Variants in YIPF6 observed in about 807,000 individuals in gnomAD.
YIPF6 encodes protein YIPF6.
A neutral mutation model predicts 16.8 loss-of-function variants in YIPF6; 3 were observed. The ratio of observed to expected loss-of-function variants is 0.18; its 90% CI spans 0.08 to 0.46. YIPF6 has a LOEUF of 0.46. Among genes scored for constraint, YIPF6 ranks in the 20% least tolerant of loss-of-function variants. The pLI is 0.98. For synonymous variants in YIPF6, 67 were observed against 61.9 expected, an observed-to-expected ratio of 1.08 and a Z score of -0.38; for missense variants, 145 against 184.9, an observed-to-expected ratio of 0.78 and a Z score of 1.25.
chrX:68,501,278 T>G lies in YIPF6; in HGVS notation c.57+2155T>G, dbSNP rs138067649. Among the ~76,000 whole-genome samples, 458 of 112,385 alleles carry G rather than the reference T, an allele frequency of 4.1e-3. 2 individuals are homozygous for G. The highest frequency in any genetic ancestry group is 0.014 in the African/African-American group (427 of 30,981). On this transcript the variant is annotated intron_variant, in intron 1 of 6. Transcript: ENST00000462683. ...AGAAATTTAAAGGAAAATGCTATCA[T>G]GTCCAGTTGGGGTGACCAAGCTACA...
At position 68,508,277 on chromosome X, in the gene YIPF6, A is replaced by T. The variant is rs367908511; in HGVS notation, c.58-3572A>T. On this transcript the variant is annotated intron_variant, in intron 1 of 6. Transcript: ENST00000462683. The stretch of plus-strand genomic sequence containing the variant: ...CACCACTCCTGGCTAATTTTTAAAT[A>T]TTTTTTTGTAGAGATGGGGTTTCGC... Among the ~76,000 whole-genome samples the T allele has an allele frequency of 2.2e-4, 24 of 107,008 alleles. No individual in the cohort carries two copies. The East Asian group carries it at 6.6e-3, about 29-fold the overall frequency. The allele number at this position is 107,008 out of a possible 115,157, so 92.9% of individuals were successfully genotyped here.
intron 6 of YIPF6, among the ~76,000 whole-genome samples, chrX:68,530,261 A>T (rs750911070): frequency 1.8e-5 from 2 of 110,898 alleles, no homozygotes; most frequent in East Asian, 5.7e-4. Context: ...CTTTCTTTAC[A>T]CTGTGAGGGG....
Position 68,535,975 on chromosome X carries a change from A to G in YIPF6, c.*3976A>G, listed in dbSNP as rs779066479. On this transcript the variant is annotated 3_prime_UTR_variant, in exon 7 of 7. Transcript: ENST00000462683. ...TGGCTAATTTTTGTAGTTTTTGTAG[A>G]GATAGGGTTTCGCCATGTTGCCTAG... 12 of 110,692 alleles carry G rather than the reference A, an allele frequency of 1.1e-4. No homozygotes were observed. Among genetic ancestry groups the G allele is most frequent in the African/African-American group, 3.9e-4 (12 of 30,435 alleles). The allele number at this position is 110,692 out of a possible 1,213,427, so 9.1% of individuals were successfully genotyped here.
At chrX:68,529,081 T>G (rs1351796923) in intron 6 of YIPF6, among the ~76,000 whole-genome samples, 1 of 111,333 alleles carries the variant, frequency 9.0e-6, no homozygotes, top group African/African-American at 3.3e-5. Flanking sequence ...TTTTCCAACT[T>G]GGTTCCATTC....
intron 1 of YIPF6, among the ~76,000 whole-genome samples, chrX:68,503,978 CA>C (rs1356329898): frequency 8.9e-6 from 1 of 112,281 alleles, no homozygotes; most frequent in Non-Finnish European, 1.9e-5. Flanking sequence ...CTTGGCCTCC[CA>C]AATTGCTGGG....
At chrX:68,527,013 C>G (rs182386049) in intron 6 of YIPF6, among the ~76,000 whole-genome samples, 9 of 112,102 alleles carry the variant, frequency 8.0e-5, no homozygotes, top group African/African-American at 2.9e-4. Context: ...AGGAATCCCT[C>G]TTCTTCTATT....
chrX:68,529,033 G>A (rs763412834), intron 6 of YIPF6, among the ~76,000 whole-genome samples: 196 of 111,206 alleles, frequency 1.8e-3, no homozygotes, highest in African/African-American at 6.2e-3. Context: ...TGCCTTCCTA[G>A]GTTGGGGAAG....
Position 68,499,206 on chromosome X carries a change from G to C in YIPF6, c.57+83G>C. 6.4e-6 allele frequency: 7 copies of C among 1,089,459 alleles called. No individual in the cohort carries two copies. In the South Asian group the frequency reaches 1.3e-4, roughly 20 times the overall value. The allele number at this position is 1,089,459 out of a possible 1,213,427, so 89.8% of individuals were successfully genotyped here. A position where few individuals can be genotyped will look rare whatever the true frequency, so the allele number is the denominator to read the frequency against. On this transcript the variant is annotated intron_variant, in intron 1 of 6. Coordinates refer to ENST00000462683, the MANE Select transcript of YIPF6 (RefSeq NM_173834.4). ...AAGTCGGGGGACGGGCTCGTGGCCTGAGAGCCGGAGCTCCTTCCGCCCGGC... is the reference window on the plus strand; with the variant it reads ...AAGTCGGGGGACGGGCTCGTGGCCTCAGAGCCGGAGCTCCTTCCGCCCGGC...
chrX:68,523,023 T>A, intron 6 of YIPF6, 106 bp downstream of exon 6: 2 of 955,056 alleles, frequency 2.1e-6, no homozygotes, highest in Non-Finnish European at 2.9e-6. Flanking sequence ...GTGAGTGATA[T>A]GATTCTTGAT....
intron 5 of YIPF6, among the ~76,000 whole-genome samples, chrX:68,522,195 T>C (rs770965314): frequency 6.3e-5 from 7 of 111,329 alleles, no homozygotes; most frequent in Non-Finnish European, 1.1e-4. Context: ...CAGAGAAAGA[T>C]ATCTGTAGGA....
Position 68,499,098 on chromosome X carries a change from CG to C in YIPF6, c.36del (p.Thr13GlnfsTer22). MAEAEESPGD[P>X]GTASPRPLFA... ...GAAGCGGAGGAGTCTCCAGGAGACC[CG>C]GGGACAGCATCGCCCAGGCCCCTGG... On this transcript the variant is annotated frameshift_variant, in exon 1 of 7. Transcript: ENST00000462683. LOFTEE classifies it high-confidence loss of function. 8.4e-7 allele frequency: 1 copy of C among 1,188,248 alleles called. No homozygotes were observed. Among genetic ancestry groups the C allele is most frequent in the Non-Finnish European group, 1.1e-6 (1 of 883,629 alleles).
rs769189355 is a variant in YIPF6 at position 68,521,343 on chromosome X, G to A, written c.309-29G>A. On this transcript the variant is annotated intron_variant, in intron 4 of 6. Coordinates refer to ENST00000462683, the MANE Select transcript of YIPF6 (RefSeq NM_173834.4). The stretch of plus-strand genomic sequence containing the variant: ...TTTGTTGCCCTAAGTAAAAGATTAA[G>A]CAATTCTTACGCTGTTTCCTTTTCT... 8 of 1,196,961 alleles carry A rather than the reference G, an allele frequency of 6.7e-6. No individual in the cohort carries two copies. In the East Asian group the frequency reaches 2.4e-4, roughly 36 times the overall value.
intron 1 of YIPF6, among the ~76,000 whole-genome samples, chrX:68,504,709 A>T (rs1465006191): frequency 3.6e-5 from 4 of 112,065 alleles, no homozygotes; most frequent in African/African-American, 1.3e-4. Context: ...TCCTGTATTA[A>T]TACATTTCTT....
chrX:68,510,441 G>A (rs1027221319), intron 1 of YIPF6, among the ~76,000 whole-genome samples: 1 of 109,522 alleles, frequency 9.1e-6, no homozygotes, highest in Non-Finnish European at 1.9e-5. Flanking sequence ...TTCTCTCCCT[G>A]TCTGCTCTAT....
intron 1 of YIPF6, among the ~76,000 whole-genome samples, chrX:68,499,376 T>C: frequency 8.9e-6 from 1 of 112,411 alleles, no homozygotes; most frequent in Non-Finnish European, 1.9e-5. Context: ...CCAGGTCTCG[T>C]CATCGTCCCC....
chrX:68,517,288 C>T (rs1218904806), intron 3 of YIPF6, among the ~76,000 whole-genome samples: 3 of 111,834 alleles, frequency 2.7e-5, no homozygotes, highest in Non-Finnish European at 5.6e-5. Flanking sequence ...GCTGGGATTA[C>T]AGGCACGTGC....
chrX:68,500,958 A>G (rs185500836), intron 1 of YIPF6, among the ~76,000 whole-genome samples: 20 of 112,185 alleles, frequency 1.8e-4, no homozygotes, highest in African/African-American at 6.1e-4. Context: ...TGACATTGTC[A>G]TAGGTGCTTA....
intron 4 of YIPF6, 87 bp downstream of exon 4, chrX:68,518,899 A>C (rs753492047): frequency 4.3e-6 from 4 of 931,868 alleles, no homozygotes; most frequent in East Asian, 6.9e-5. Context: ...TTTTGATTGA[A>C]TATTTCATTT....
intron 1 of YIPF6, among the ~76,000 whole-genome samples, chrX:68,504,487 C>T (rs2079052712): frequency 8.9e-6 from 1 of 111,735 alleles, no homozygotes; most frequent in Non-Finnish European, 1.9e-5. Flanking sequence ...TAAGGGCCTA[C>T]TGTGACTCAC....
Sources: allele counts gnomAD v4.1 joint callset (sites outside exome capture counted in the v4.1 genomes callset), GRCh38; gene constraint gnomAD v4.1.1; transcripts MANE v1.5; gene names NCBI Gene and HGNC (gene_info 2026-07-23, HGNC 2026-07-21).